Variants in MMEL1 observed in about 807,000 individuals in gnomAD.
MMEL1 encodes the protein membrane metallo-endopeptidase-like 1.
Under a neutral mutation model 117.1 loss-of-function variants are expected in MMEL1, and 98 were observed. The ratio of observed to expected loss-of-function variants is 0.84; its 90% CI spans 0.71 to 0.99. MMEL1 has a LOEUF of 0.99. MMEL1 is among the 50% of genes least tolerant of loss of function. The pLI is 0.00. For synonymous variants in MMEL1, 390 were observed against 415.1 expected (o/e 0.94, Z 0.74); for missense variants, 1,014 against 1,049.1 (o/e 0.97, Z 0.46).
chr1:2,621,377 C>G (rs1645286516), intron 2 of MMEL1, among the ~76,000 whole-genome samples: 2 of 152,216 alleles, frequency 1.3e-5, no homozygotes, highest in South Asian at 2.1e-4. Context: ...AGCCTGCTAC[C>G]TGGAGGCTTC....
Position 2,609,343 on chromosome 1 carries a change from G to A in MMEL1, c.531C>T (p.Asn177=), listed in dbSNP as rs1645088127. 1.9e-6 allele frequency: 3 copies of A among 1,610,912 alleles called. No homozygotes were observed. The highest frequency in any genetic ancestry group is 1.3e-5 in the African/African-American group (1 of 74,860). Residue 177 remains asparagine, a synonymous_variant, in exon 6 of 24, where the codon AAC becomes AAT. Transcript: ENST00000378412. ...KARTLYRSCM[N]QSVIEKRGSQ... Reference sequence around the variant, plus strand: ...TTCCTGGCGGCCCCCACTCACTCTGGTTCATGCAGGAGCGGTACAGCGTCC... The same window carrying A: ...TTCCTGGCGGCCCCCACTCACTCTGATTCATGCAGGAGCGGTACAGCGTCC...
At chr1:2,628,568 G>A (rs759679556) in intron 2 of MMEL1, among the ~76,000 whole-genome samples, 1 of 152,200 alleles carries the variant, frequency 6.6e-6, no homozygotes, top group Non-Finnish European at 1.5e-5. Context: ...GTCTCAGAGG[G>A]ACCAGGGCTG....
rs781671538 is a variant in MMEL1 at position 2,593,897 on chromosome 1, C to A, written c.1784G>T (p.Ser595Ile). 2 of 1,612,052 alleles carry A rather than the reference C, an allele frequency of 1.2e-6. No individual in the cohort carries two copies. Among genetic ancestry groups the A allele is most frequent in the South Asian group, 2.2e-5 (2 of 90,932 alleles). The change falls in exon 19 of 24, where the codon AGC (serine) becomes ATC (isoleucine). Residue 595 changes from serine to isoleucine, a missense_variant. Physicochemically the swap from Ser to Ile is moderately radical, Grantham distance 142. Transcript: ENST00000378412. ...PAGILQPPFF[S>I]KEQPQALNFG... Reference sequence around the variant, plus strand: ...GTTCAAGGCCTGTGGCTGCTCCTTGCTGAAGAAGGGGGGCTGGAGGATCCC... The same window carrying A: ...GTTCAAGGCCTGTGGCTGCTCCTTGATGAAGAAGGGGGGCTGGAGGATCCC...
chr1:2,602,656 C>T (rs549797154), intron 11 of MMEL1, among the ~76,000 whole-genome samples: 1 of 152,342 alleles, frequency 6.6e-6, no homozygotes, highest in Admixed American at 6.5e-5. Flanking sequence ...TCCTCTCGGG[C>T]AGAGTCTGAG....
chr1:2,604,120 G>GCAAC, intron 10 of MMEL1, 27 bp downstream of exon 10: 1 of 1,330,074 alleles, frequency 7.5e-7, no homozygotes, highest in Non-Finnish European at 1.1e-6. Flanking sequence ...CTCGCTGCCC[G>GCAAC]CTCCCCACCC....
Position 2,591,083 on chromosome 1 carries a change from C to T in MMEL1, c.2247G>A (p.Leu749=). 6.3e-7 allele frequency: 1 copy of T among 1,586,138 alleles called. No individual in the cohort carries two copies. Among genetic ancestry groups the T allele is most frequent in the South Asian group, 1.2e-5 (1 of 86,326 alleles). ...AGGCGGCCAGGTTCTGCAGCGACCC[C>T]AGTACCCTGTGGGTGGGTGGGTGTG... ...DVHSPLKYRV[L]GSLQNLAAFA... The change falls in exon 24 of 24, where the codon CTG becomes CTA. Residue 749 remains leucine (L), a synonymous_variant. Transcript: ENST00000378412.
intron 18 of MMEL1, 41 bp from the exon 19 acceptor site, chr1:2,593,974 C>G: frequency 1.3e-6 from 2 of 1,553,716 alleles, no homozygotes; most frequent in Non-Finnish European, 1.7e-6. Flanking sequence ...TGTGAGTGGA[C>G]ACATCTCCTG....
intron 17 of MMEL1, 31 bp from the exon 18 acceptor site, chr1:2,594,474 G>T (rs1644799055): frequency 1.3e-6 from 2 of 1,550,582 alleles, no homozygotes; most frequent in African/African-American, 2.7e-5. Flanking sequence ...TCTGGGAGCC[G>T]CCTCTCCGGG....
At chr1:2,596,168 A>G (rs2100930801) in intron 14 of MMEL1, 61 bp from the exon 15 acceptor site, 1 of 1,484,546 alleles carries the variant, frequency 6.7e-7, no homozygotes, top group Non-Finnish European at 9.3e-7. Flanking sequence ...GACCAGCCTC[A>G]AGGGCTTTGG....
At position 2,595,378 on chromosome 1, in the gene MMEL1, C is replaced by T; in HGVS notation, c.1501-19G>A. The T allele has an allele frequency of 6.2e-7, 1 of 1,611,642 alleles. No homozygotes were observed. Among genetic ancestry groups the T allele is most frequent in the African/African-American group, 1.3e-5 (1 of 74,986 alleles). Reference sequence around the variant, plus strand: ...TCATGGCCTGAGTGGGGAGGAGGGACTGGTCAGTGGGTGCCCCACTGCGGA... The same window carrying T: ...TCATGGCCTGAGTGGGGAGGAGGGATTGGTCAGTGGGTGCCCCACTGCGGA... On this transcript the variant is annotated intron_variant, in intron 15 of 23. Coordinates refer to ENST00000378412, the MANE Select transcript of MMEL1 (RefSeq NM_033467.4). The surrounding 1 kb of genome is among the most constrained non-coding windows in gnomAD (Gnocchi z 4.8).
In MMEL1 at chr1:2,595,892, G is replaced by A. The variant is rs1462255795; in HGVS notation, c.1500+117C>T. ...GGCTGCCTTCTCCCCGTGGGGTCCT[G>A]TCTGCGCCTCCCGGGGCTGCCTTCT... On this transcript the variant is annotated intron_variant, in intron 15 of 23. Coordinates refer to ENST00000378412, the MANE Select transcript of MMEL1 (RefSeq NM_033467.4). This position sits in a 1 kb window ranked among gnomAD's most constrained non-coding sequence, Gnocchi z 4.8. 1 of 785,988 alleles carries A rather than the reference G, an allele frequency of 1.3e-6. No homozygotes were observed. The allele number at this position is 785,988 out of a possible 1,614,324, so 48.7% of individuals were successfully genotyped here. A position where few individuals can be genotyped will look rare whatever the true frequency, so the allele number is the denominator to read the frequency against.
chr1:2,594,247 G>T, intron 18 of MMEL1, 138 bp downstream of exon 18: 2 of 1,012,056 alleles, frequency 2.0e-6, no homozygotes, highest in Non-Finnish European at 3.0e-6. Context: ...CACGGGGGCA[G>T]CAAGGGGTGA....
At position 2,595,246 on chromosome 1, in the gene MMEL1, G is replaced by A; in HGVS notation, c.1584+30C>T. ...CAGGGCCCATGTCCACGGTGTGGGG[G>A]GCAGTTTAGGGCTGGGGTTGGGGGC... is the stretch of plus-strand genomic sequence containing the variant. On this transcript the variant is annotated intron_variant, in intron 16 of 23. Transcript: ENST00000378412. This position sits in a 1 kb window ranked among gnomAD's most constrained non-coding sequence, Gnocchi z 4.8. The A allele has an allele frequency of 6.3e-7, 1 of 1,592,576 alleles. No individual in the cohort carries two copies. The highest frequency in any genetic ancestry group is 1.1e-5 in the South Asian group (1 of 90,378).
At chr1:2,627,368 T>C (rs1336255480) in intron 2 of MMEL1, among the ~76,000 whole-genome samples, 1 of 152,252 alleles carries the variant, frequency 6.6e-6, no homozygotes, top group Non-Finnish European at 1.5e-5. Context: ...AATCATTTTC[T>C]TGATCTTTCC....
Position 2,591,050 on chromosome 1 carries a change from GTCTGCGAAGGCGGCCAGGT to G in MMEL1, c.2261_2279del (p.Asn754ThrfsTer69). 2 of 1,606,862 alleles carry G rather than the reference GTCTGCGAAGGCGGCCAGGT, an allele frequency of 1.2e-6. No individual in the cohort carries two copies. The highest frequency in any genetic ancestry group is 1.7e-6 in the Non-Finnish European group (2 of 1,177,324). On this transcript the variant is annotated frameshift_variant, in exon 24 of 24. Coordinates refer to ENST00000378412, the MANE Select transcript of MMEL1 (RefSeq NM_033467.4). LOFTEE classifies it high-confidence loss of function. ...GGGTGCCCCGGGCACAGTGGAACGT[GTCTGCGAAGGCGGCCAGGT>G]TCTGCAGCGACCCCAGTACCCTGTG...
rs1303896661 is a variant in MMEL1, at chr1:2,592,889, C to G, written c.1945G>C (p.Glu649Gln). The stretch of plus-strand genomic sequence containing the variant: ...TTGCCGTACTGGTAGATCATGCACT[C>G]TGACTGCTCCCGGAAGTGCTGGGTG... ...FSTQHFREQS[E>Q]CMIYQYGNYS... The change falls in exon 20 of 24, where the codon GAG becomes CAG. Residue 649 changes from glutamate to glutamine, a missense_variant. By Grantham distance (29) the Glu-to-Gln change is conservative. Coordinates refer to ENST00000378412, the MANE Select transcript of MMEL1 (RefSeq NM_033467.4). 4 of 1,613,842 alleles carry G rather than the reference C, an allele frequency of 2.5e-6. No homozygotes were observed. Among genetic ancestry groups the G allele is most frequent in the Non-Finnish European group, 3.4e-6 (4 of 1,179,948 alleles).
intron 8 of MMEL1, 39 bp from the exon 9 acceptor site, chr1:2,605,662 G>A (rs759148360): frequency 2.8e-5 from 43 of 1,550,646 alleles, no homozygotes; most frequent in East Asian, 4.5e-5. Context: ...CAAGGGGCCC[G>A]GGGTCCCCGC....
intron 11 of MMEL1, among the ~76,000 whole-genome samples, chr1:2,602,547 G>A (rs760973252): frequency 1.2e-4 from 19 of 152,126 alleles, no homozygotes; most frequent in Non-Finnish European, 1.9e-4. Flanking sequence ...TCTCTTGCCC[G>A]GGCTACGTGG....
intron 7 of MMEL1, 118 bp downstream of exon 7, chr1:2,606,856 G>A (rs944011330): frequency 1.1e-6 from 1 of 946,872 alleles, no homozygotes; most frequent in East Asian, 2.4e-5. Context: ...TGGGGCTCCT[G>A]AGAGCAGCCA....
Sources: allele counts gnomAD v4.1 joint callset (sites outside exome capture counted in the v4.1 genomes callset), GRCh38; gene constraint gnomAD v4.1.1; non-coding constraint Gnocchi (gnomAD v3.1); transcripts MANE v1.5; gene names NCBI Gene and HGNC (gene_info 2026-07-23, HGNC 2026-07-21).